Variants in MCTP2 observed in about 807,000 individuals in gnomAD.
The protein encoded by MCTP2 is multiple C2 and transmembrane domain-containing protein 2.
Under a neutral mutation model 111.6 loss-of-function variants are expected in MCTP2, and 132 were observed. The observed-to-expected ratio is 1.18, with a 90% CI of 1.03 to 1.37. The LOEUF is 1.37. Ranked by LOEUF, MCTP2 falls within the 40% of genes most tolerant of loss-of-function variation. The pLI, the probability that MCTP2 is intolerant of heterozygous loss-of-function variation, is 0.00. For missense variants in MCTP2, 1,183 were observed against 1,067.9 expected, an observed-to-expected ratio of 1.11 and a Z score of -1.50; for synonymous variants, 395 against 387.7, an observed-to-expected ratio of 1.02 and a Z score of -0.22.
At chr15:94,455,049 C>T (rs891894213) in intron 19 of MCTP2, among the ~76,000 whole-genome samples, 30 of 152,238 alleles carry the variant, frequency 2.0e-4, no homozygotes, top group Admixed American at 1.4e-3. Flanking sequence ...CTCAAACTCC[C>T]GACCTCAAGT....
intron 19 of MCTP2, among the ~76,000 whole-genome samples, chr15:94,457,588 GC>G (rs2084915481): frequency 2.0e-5 from 3 of 152,170 alleles, no homozygotes; most frequent in Admixed American, 1.3e-4. Flanking sequence ...ACAGCTGCTT[GC>G]TTTGTTTCTG....
intron 10 of MCTP2, among the ~76,000 whole-genome samples, chr15:94,359,326 T>G (rs1299943892): frequency 2.0e-5 from 3 of 152,210 alleles, no homozygotes; most frequent in African/African-American, 7.2e-5. Flanking sequence ...TACACATTAC[T>G]TAGTCATGAG....
At position 94,339,389 on chromosome 15, in the gene MCTP2, T is replaced by C. The variant is rs1164277510; in HGVS notation, c.737T>C (p.Val246Ala). The C allele has an allele frequency of 6.2e-7, 1 of 1,611,074 alleles. No individual in the cohort carries two copies. Among genetic ancestry groups the C allele is most frequent in the Non-Finnish European group, 8.5e-7 (1 of 1,178,364 alleles). Residue 246 changes from valine to alanine, a missense_variant, in exon 5 of 23, where the codon GTT (valine) becomes GCT (alanine). Physicochemically the swap from Val to Ala is moderately conservative, Grantham distance 64. Coordinates refer to ENST00000357742, the MANE Select transcript of MCTP2 (RefSeq NM_001385001.1). ...TTGAACCCAGTATGGGATGAGATAGTTGTATTGCCAATCCAAAGCCTTGAT... is the reference window on the plus strand; with the variant it reads ...TTGAACCCAGTATGGGATGAGATAGCTGTATTGCCAATCCAAAGCCTTGAT... ...KNLNPVWDEI[V>A]VLPIQSLDQK... is the part of the protein sequence containing the mutation.
chr15:94,310,215 A>G (rs2076062999), intron 2 of MCTP2, among the ~76,000 whole-genome samples: 2 of 152,238 alleles, frequency 1.3e-5, no homozygotes, highest in South Asian at 2.1e-4. Flanking sequence ...AGTCTCAAAC[A>G]TTTAAATACT....
intron 2 of MCTP2, among the ~76,000 whole-genome samples, chr15:94,312,548 C>T (rs1200114455): frequency 6.6e-6 from 1 of 152,204 alleles, no homozygotes; most frequent in Non-Finnish European, 1.5e-5. Flanking sequence ...TGCCAGGGCC[C>T]TAGAAAAAGC....
chr15:94,419,451 A>G (rs1440189304), intron 17 of MCTP2, among the ~76,000 whole-genome samples: 1 of 152,062 alleles, frequency 6.6e-6, no homozygotes, highest in Non-Finnish European at 1.5e-5. Context: ...ATTAGAGGGC[A>G]GGGAAGGAAA....
chr15:94,343,640 A>G (rs913951248), intron 7 of MCTP2: 1 of 152,218 alleles, frequency 6.6e-6, no homozygotes, highest in African/African-American at 2.4e-5. Flanking sequence ...AAACAGGAAA[A>G]AAATAGTAGC....
chr15:94,246,486 CTTG>C (rs1015507774), intron 1 of MCTP2, among the ~76,000 whole-genome samples: 30 of 152,128 alleles, frequency 2.0e-4, no homozygotes, highest in Non-Finnish European at 8.8e-5. Flanking sequence ...GGCTGATGCT[CTTG>C]TTGTTTGGAA....
intron 4 of MCTP2, among the ~76,000 whole-genome samples, chr15:94,336,775 A>G (rs1034308998): frequency 2.0e-4 from 31 of 152,006 alleles, no homozygotes; most frequent in African/African-American, 6.5e-4. Flanking sequence ...ATATGTATAT[A>G]TGTACTGCTG....
chr15:94,478,832 T>C, intron 22 of MCTP2, 134 bp from the exon 23 acceptor site: 2 of 702,012 alleles, frequency 2.8e-6, no homozygotes. Context: ...TCCATGTTCC[T>C]GTGTTTAGAA....
chr15:94,424,966 A>G (rs1260699486), intron 17 of MCTP2, among the ~76,000 whole-genome samples: 1 of 151,232 alleles, frequency 6.6e-6, no homozygotes, highest in Non-Finnish European at 1.5e-5. Context: ...AGAGGTTTCT[A>G]TTTTTTTCAT....
At position 94,367,790 on chromosome 15, in the gene MCTP2, ATG is replaced by A; in HGVS notation, c.1488+2_1488+3del. The A allele has an allele frequency of 6.3e-7, 1 of 1,597,050 alleles. No individual in the cohort carries two copies. Among genetic ancestry groups the A allele is most frequent in the South Asian group, 1.1e-5 (1 of 88,500 alleles). The stretch of plus-strand genomic sequence containing the variant: ...GAAAGAAAGCAGATTACCCAGCGAT[ATG>A]TGAGTGTTTTTCCTTATTGTACACT... On this transcript the variant is annotated splice_donor_variant and coding_sequence_variant, in exon 11 of 23. Transcript: ENST00000357742. LOFTEE classifies it high-confidence loss of function.
At chr15:94,478,907 C>T in intron 22 of MCTP2, 59 bp from the exon 23 acceptor site, 1 of 1,510,730 alleles carries the variant, frequency 6.6e-7, no homozygotes, top group African/African-American at 1.4e-5. Flanking sequence ...GCCATTAGCA[C>T]ACACTGTGGC....
intron 19 of MCTP2, among the ~76,000 whole-genome samples, chr15:94,455,881 G>A (rs563300709): frequency 2.6e-5 from 4 of 152,076 alleles, no homozygotes; most frequent in Admixed American, 6.5e-5. Flanking sequence ...TCCTGACATC[G>A]GTATATAGAC....
chr15:94,284,008 G>A (rs577592756), intron 1 of MCTP2, among the ~76,000 whole-genome samples: 2 of 152,300 alleles, frequency 1.3e-5, no homozygotes, highest in East Asian at 3.9e-4. Context: ...TGCAGGCAAG[G>A]ATGTTGCACA....
chr15:94,340,049 C>T, intron 5 of MCTP2, 150 bp from the exon 6 acceptor site: 1 of 615,838 alleles, frequency 1.6e-6, no homozygotes, highest in Non-Finnish European at 2.8e-6. Context: ...ATTGGCTTGA[C>T]TAAATTTCTC....
chr15:94,326,802 A>C (rs1596364510), intron 4 of MCTP2, among the ~76,000 whole-genome samples: 1 of 102,606 alleles, frequency 9.7e-6, no homozygotes, highest in African/African-American at 3.5e-5. Flanking sequence ...TCTTGACCTC[A>C]GGTGATCCCC....
At chr15:94,359,121 CAAT>C (rs1290346180) in intron 10 of MCTP2, among the ~76,000 whole-genome samples, 1 of 152,008 alleles carries the variant, frequency 6.6e-6, no homozygotes, top group African/African-American at 2.4e-5. Context: ...ACAATAATAT[CAAT>C]ATTATTGCTT....
intron 17 of MCTP2, among the ~76,000 whole-genome samples, chr15:94,417,085 G>C (rs890756067): frequency 6.6e-6 from 1 of 152,110 alleles, no homozygotes. Context: ...GGTGGTGATG[G>C]TTTAGACATC....
Sources: allele counts gnomAD v4.1 joint callset (sites outside exome capture counted in the v4.1 genomes callset), GRCh38; gene constraint gnomAD v4.1.1; transcripts MANE v1.5; gene names NCBI Gene and HGNC (gene_info 2026-07-23, HGNC 2026-07-21).